CDH23: variants seen among roughly 807,000 people sequenced by gnomAD.
CDH23 encodes the protein cadherin related 23.
A neutral mutation model predicts 317.1 loss-of-function variants in CDH23; 189 were observed. That is an observed-to-expected ratio of 0.60 (90% confidence interval 0.53 to 0.67). CDH23 has a LOEUF of 0.67. Ranked by LOEUF, CDH23 falls within the 30% of genes least tolerant of loss-of-function variation. CDH23 has a pLI of 0.00. For missense variants in CDH23, 4,401 were observed against 4,592.4 expected (o/e 0.96, Z 1.20); for synonymous variants, 1,839 against 1,876.8 (o/e 0.98, Z 0.52).
chr10:71,475,773 C>T (rs951219109), intron 3 of CDH23, among the ~76,000 whole-genome samples: 2 of 152,246 alleles, frequency 1.3e-5, no homozygotes, highest in African/African-American at 4.8e-5. Flanking sequence ...AGCTGGAATG[C>T]AGGCCCTGAG....
chr10:71,773,317 C>A (rs755277988), intron 38 of CDH23: 2 of 1,563,950 alleles, frequency 1.3e-6, no homozygotes, highest in East Asian at 2.4e-5. Flanking sequence ...CTGCTGTCTT[C>A]TCCCAGCTTT....
intron 3 of CDH23, among the ~76,000 whole-genome samples, chr10:71,489,764 C>G (rs1168772517): frequency 1.3e-5 from 2 of 152,076 alleles, no homozygotes; most frequent in African/African-American, 4.8e-5. Context: ...CACTACTTGT[C>G]TGGGACTACT....
rs397517332 is a variant in CDH23, at chr10:71,777,787, C to T, written c.4953C>T (p.Asn1651=). 15 of 1,613,938 alleles carry T rather than the reference C, an allele frequency of 9.3e-6. No homozygotes were observed. The highest frequency in any genetic ancestry group is 1.3e-5 in the Non-Finnish European group (15 of 1,179,870). The part of the protein sequence containing the change: ...VLLDEGPDTL[N]TSLITIQALD... ...TGGATGAGGGCCCAGACACGCTCAA[C>T]ACCAGCCTCATCACCATCCAGGCAC... is the stretch of plus-strand genomic sequence containing the variant. Residue 1651 remains asparagine (N), a synonymous_variant, in exon 39 of 70, where the codon AAC becomes AAT. Coordinates refer to ENST00000224721, the MANE Select transcript of CDH23 (RefSeq NM_022124.6).
At chr10:71,431,654 C>G (rs1849377179) in intron 1 of CDH23, among the ~76,000 whole-genome samples, 1 of 152,268 alleles carries the variant, frequency 6.6e-6, no homozygotes, top group South Asian at 2.1e-4. Flanking sequence ...CATAACAGTT[C>G]AAACTAAATC....
intron 18 of CDH23, among the ~76,000 whole-genome samples, chr10:71,683,596 T>C (rs372165178): frequency 6.6e-6 from 1 of 152,090 alleles, no homozygotes; most frequent in East Asian, 1.9e-4. Flanking sequence ...AAAGTCAAAG[T>C]GATGCCTGAT....
intron 69 of CDH23, among the ~76,000 whole-genome samples, chr10:71,814,396 C>CA (rs1162509928): frequency 6.6e-6 from 1 of 152,210 alleles, no homozygotes; most frequent in African/African-American, 2.4e-5. Flanking sequence ...GCCTGGGCAA[C>CA]AGAGAGAAAC....
intron 6 of CDH23, among the ~76,000 whole-genome samples, chr10:71,523,644 G>A (rs745636358): frequency 2.0e-4 from 31 of 152,180 alleles, no homozygotes; most frequent in South Asian, 1.0e-3. Flanking sequence ...CCGTTTAACC[G>A]TTGCTGTGCA....
At chr10:71,446,084 G>A (rs538906108) in intron 2 of CDH23, among the ~76,000 whole-genome samples, 1 of 152,196 alleles carries the variant, frequency 6.6e-6, no homozygotes, top group Non-Finnish European at 1.5e-5. Flanking sequence ...TGCTCAGCAG[G>A]CACGTGTGGC....
intron 1 of CDH23, among the ~76,000 whole-genome samples, chr10:71,417,451 T>G (rs1848584926): frequency 6.6e-6 from 1 of 152,246 alleles, no homozygotes; most frequent in South Asian, 2.1e-4. Flanking sequence ...ATCTTTGGCT[T>G]GATATTTCAA....
At chr10:71,668,317 C>T (rs141428312) in intron 14 of CDH23, among the ~76,000 whole-genome samples, 217 of 152,282 alleles carry the variant, frequency 1.4e-3, no homozygotes, top group African/African-American at 4.9e-3. Context: ...GGGGGCCCAT[C>T]GGTCTTCAAC....
intron 11 of CDH23, among the ~76,000 whole-genome samples, chr10:71,628,879 G>A (rs1861874655): frequency 6.6e-6 from 1 of 152,204 alleles, no homozygotes; most frequent in South Asian, 2.1e-4. Flanking sequence ...CCCCTCCCTG[G>A]TTCTGACTAG....
intron 3 of CDH23, among the ~76,000 whole-genome samples, chr10:71,494,808 C>G (rs1247109256): frequency 1.3e-5 from 2 of 152,170 alleles, no homozygotes; most frequent in East Asian, 3.8e-4. Context: ...CCCCGGCACC[C>G]ATAACCCCCA....
intron 13 of CDH23, 49 bp downstream of exon 13, chr10:71,646,029 CA>C: frequency 8.8e-6 from 14 of 1,588,196 alleles, no homozygotes; most frequent in Non-Finnish European, 1.2e-5. Flanking sequence ...GGGTGGATTT[CA>C]GGGGAGGCGA....
intron 3 of CDH23, among the ~76,000 whole-genome samples, chr10:71,505,207 A>G (rs957845814): frequency 1.3e-5 from 2 of 152,152 alleles, no homozygotes; most frequent in African/African-American, 4.8e-5. Context: ...GTTATTGTCA[A>G]CCAAGTTGCC....
In CDH23 at chr10:71,779,266, G is replaced by A. The variant is rs1480568833; in HGVS notation, c.5188-1G>A. ...TTGGCTAAGCTTTTCCACCATCTCA[G>A]GTGCTTGTGAATGTGAATGACATCA... is the stretch of plus-strand genomic sequence containing the variant. On this transcript the variant is annotated splice_acceptor_variant, in intron 40 of 69. Coordinates refer to ENST00000224721, the MANE Select transcript of CDH23 (RefSeq NM_022124.6). LOFTEE classifies it high-confidence loss of function. 1.9e-6 allele frequency: 3 copies of A among 1,613,854 alleles called. No homozygotes were observed. The highest frequency in any genetic ancestry group is 1.7e-5 in the Admixed American group (1 of 59,992).
chr10:71,672,582 C>T (rs1158418834), intron 14 of CDH23, among the ~76,000 whole-genome samples: 1 of 152,230 alleles, frequency 6.6e-6, no homozygotes, highest in Non-Finnish European at 1.5e-5. Flanking sequence ...TCAGCATCCG[C>T]AGCCTGGGCA....
intron 16 of CDH23, 24 bp downstream of exon 16, chr10:71,677,717 C>T: frequency 6.6e-7 from 1 of 1,519,480 alleles, no homozygotes. Context: ...GAGCCCTGCA[C>T]TCCTGCCATT....
chr10:71,773,924 T>G (rs2132917875), intron 38 of CDH23, among the ~76,000 whole-genome samples: 1 of 152,206 alleles, frequency 6.6e-6, no homozygotes, highest in African/African-American at 2.4e-5. Flanking sequence ...TGGTAGGCAC[T>G]CCCAGCTGTG....
intron 14 of CDH23, among the ~76,000 whole-genome samples, chr10:71,661,742 G>A (rs899735757): frequency 4.5e-5 from 3 of 66,674 alleles, no homozygotes; most frequent in East Asian, 5.3e-4. Context: ...CACCCTGCGC[G>A]CCCTCCCACC....
Sources: gnomAD v4.1 joint callset for allele counts (sites outside exome capture counted in the v4.1 genomes callset) on GRCh38, gnomAD v4.1.1 for gene constraint, MANE v1.5 for transcripts, NCBI Gene and HGNC (gene_info 2026-07-23, HGNC 2026-07-21) for gene names.